The following HGSNAT variants were observed in gnomAD, a reference collection of about 807,000 sequenced individuals.
The protein encoded by HGSNAT is transmembrane protein 76.
A neutral mutation model predicts 85.2 loss-of-function variants in HGSNAT; 59 were observed. The observed-to-expected ratio is 0.69, with a 90% CI of 0.56 to 0.86. The LOEUF (loss-of-function observed/expected upper bound fraction) is 0.86. HGSNAT is among the 40% of genes least tolerant of loss of function. HGSNAT has a pLI of 0.00. For missense variants in HGSNAT, 756 were observed against 777.1 expected (o/e 0.97, Z 0.32); for synonymous variants, 321 against 304.5 (o/e 1.05, Z -0.56).
chr8:43,179,163 G>A (rs1322155094), intron 10 of HGSNAT, among the ~76,000 whole-genome samples: 53 of 147,258 alleles, frequency 3.6e-4, no homozygotes, highest in African/African-American at 1.4e-3. Context: ...GGGCAGAGGG[G>A]CTCCTCACTT....
chr8:43,179,239 G>C, intron 10 of HGSNAT, among the ~76,000 whole-genome samples: 1 of 151,626 alleles, frequency 6.6e-6, no homozygotes. Flanking sequence ...CCGGGCGGGG[G>C]CTGACCCCCC....
At chr8:43,164,393 T>C (rs1426857867) in intron 5 of HGSNAT, among the ~76,000 whole-genome samples, 1 of 151,970 alleles carries the variant, frequency 6.6e-6, no homozygotes, top group Admixed American at 6.6e-5. Context: ...TTTTGAGACG[T>C]GGTCTCATTC....
chr8:43,170,466 C>A, intron 6 of HGSNAT, 119 bp from the exon 7 acceptor site: 1 of 903,694 alleles, frequency 1.1e-6, no homozygotes, highest in African/African-American at 1.6e-5. Context: ...GGCCACAGAG[C>A]GAGACTCTGT....
intron 14 of HGSNAT, chr8:43,194,172 A>G (rs1804633780): frequency 3.2e-6 from 3 of 932,376 alleles, no homozygotes; most frequent in Non-Finnish European, 4.0e-6. Flanking sequence ...CCAAGGCAGG[A>G]GGATTGCTTG....
intron 9 of HGSNAT, among the ~76,000 whole-genome samples, chr8:43,175,302 C>T (rs1474872355): frequency 1.3e-5 from 2 of 152,154 alleles, no homozygotes; most frequent in African/African-American, 4.8e-5. Context: ...AACCTCTAAC[C>T]TATTGTCCAT....
At chr8:43,198,445 G>A (rs956849894) in intron 17 of HGSNAT, among the ~76,000 whole-genome samples, 2 of 151,708 alleles carry the variant, frequency 1.3e-5, no homozygotes, top group South Asian at 4.2e-4. Context: ...CCGCCACCAC[G>A]CCCAGCTAAT....
Position 43,147,232 on chromosome 8 carries a change from G to C in HGSNAT, c.234+169G>C, listed in dbSNP as rs555101932. On this transcript the variant is annotated intron_variant, in intron 2 of 17. Transcript: ENST00000379644. ...AATACAGTCAGGGGAGGATGCCTAGGAATGCACAGCATCTATTTTTATCTT... is the reference window on the plus strand; with the variant it reads ...AATACAGTCAGGGGAGGATGCCTAGCAATGCACAGCATCTATTTTTATCTT... Among the ~76,000 whole-genome samples, 6 of 152,292 alleles carry C rather than the reference G, an allele frequency of 3.9e-5. No individual in the cohort carries two copies. The South Asian group carries it at 1.2e-3, about 32-fold the overall frequency.
chr8:43,152,720 G>A (rs895497389), intron 2 of HGSNAT, among the ~76,000 whole-genome samples: 10 of 152,106 alleles, frequency 6.6e-5, no homozygotes, highest in African/African-American at 2.4e-4. Flanking sequence ...GCCTCCCAAA[G>A]TGCTAGAATT....
chr8:43,197,045 C>A lies in HGSNAT; in HGVS notation c.1542+20C>A. On this transcript the variant is annotated intron_variant, in intron 15 of 17. Coordinates refer to ENST00000379644, the MANE Select transcript of HGSNAT (RefSeq NM_152419.3). ...ATTCTTGTAAGTAAGCAGCATTCCT[C>A]GCTAAAATTCCTTTCCTTCACATGT... The A allele has an allele frequency of 1.3e-6, 2 of 1,531,004 alleles. No homozygotes were observed. Among genetic ancestry groups the A allele is most frequent in the Non-Finnish European group, 1.8e-6 (2 of 1,106,028 alleles). The allele number at this position is 1,531,004 out of a possible 1,614,324, so 94.8% of individuals were successfully genotyped here.
At chr8:43,184,128 T>G (rs1804227758) in intron 11 of HGSNAT, among the ~76,000 whole-genome samples, 1 of 152,244 alleles carries the variant, frequency 6.6e-6, no homozygotes, top group Non-Finnish European at 1.5e-5. Context: ...CAGCATGATT[T>G]ATAATCCTTT....
Position 43,172,326 on chromosome 8 carries a change from A to G in HGSNAT, c.760A>G (p.Met254Val), listed in dbSNP as rs766657364. Residue 254 changes from methionine to valine, a missense_variant, in exon 8 of 18, where the codon ATG becomes GTG. Coordinates refer to ENST00000379644, the MANE Select transcript of HGSNAT (RefSeq NM_152419.3). ...TTCTTCTAGGATTGCTCTTATACTC[A>G]TGGTCTTTGTCAATTATGGAGGAGG... is the stretch of plus-strand genomic sequence containing the variant. ...DTFRGIALIL[M>V]VFVNYGGGKY... The G allele has an allele frequency of 1.9e-6, 3 of 1,611,682 alleles. No homozygotes were observed. Among genetic ancestry groups the G allele is most frequent in the South Asian group, 2.2e-5 (2 of 91,040 alleles).
chr8:43,148,190 C>T (rs925956300), intron 2 of HGSNAT, among the ~76,000 whole-genome samples: 5 of 151,638 alleles, frequency 3.3e-5, no homozygotes, highest in Non-Finnish European at 5.9e-5. Flanking sequence ...TGCAGTGAGC[C>T]GAGATCGCGC....
chr8:43,158,997 T>C lies in HGSNAT; in HGVS notation c.446T>C (p.Ile149Thr), dbSNP rs1249804633. 1.2e-6 allele frequency: 2 copies of C among 1,613,786 alleles called. No homozygotes were observed. Among genetic ancestry groups the C allele is most frequent in the African/African-American group, 2.7e-5 (2 of 75,030 alleles). The change falls in exon 4 of 18, where the codon ATT becomes ACT. Residue 149 changes from isoleucine (I) to threonine (T), a missense_variant. By Grantham distance (89) the Ile-to-Thr change is moderately conservative (BLOSUM62 -1). Coordinates refer to ENST00000379644, the MANE Select transcript of HGSNAT (RefSeq NM_152419.3). ...VKNIHNGVSE[I>T]ACDLAVNEDP... is the part of the protein sequence containing the mutation. ...AACATCCATAATGGAGTTAGTGAAA[T>C]TGCCTGTGACCTGGCTGTGAACGAG...
intron 3 of HGSNAT, 89 bp downstream of exon 3, chr8:43,158,800 T>G: frequency 6.7e-7 from 1 of 1,503,420 alleles, no homozygotes; most frequent in Admixed American, 2.2e-5. Flanking sequence ...TTACAGTATT[T>G]TTCTTTATCT....
intron 11 of HGSNAT, among the ~76,000 whole-genome samples, chr8:43,189,133 C>T (rs144380085): frequency 0.03 from 4,637 of 152,280 alleles, 238 homozygotes; most frequent in African/African-American, 0.11. Context: ...AAACTCTGTG[C>T]TGGGAGAACC....
chr8:43,153,412 C>T (rs979968659), intron 2 of HGSNAT, among the ~76,000 whole-genome samples: 6 of 151,694 alleles, frequency 4.0e-5, no homozygotes, highest in African/African-American at 7.3e-5. Context: ...TACAGTATCT[C>T]GAACTGCTGA....
At chr8:43,169,789 C>A (rs1356864113) in intron 6 of HGSNAT, among the ~76,000 whole-genome samples, 1 of 152,152 alleles carries the variant, frequency 6.6e-6, no homozygotes, top group Admixed American at 6.5e-5. Context: ...TAGATGGGAT[C>A]TTTACAAAAG....
At chr8:43,151,143 C>T (rs1271842671) in intron 2 of HGSNAT, among the ~76,000 whole-genome samples, 3 of 152,104 alleles carry the variant, frequency 2.0e-5, no homozygotes, top group Admixed American at 6.6e-5. Context: ...AAAACAAAGT[C>T]GTAGTAGAGA....
In HGSNAT at chr8:43,140,494, G is replaced by C. The variant is rs1162962895; in HGVS notation, c.-3G>C. On this transcript the variant is annotated 5_prime_UTR_variant, in exon 1 of 18. Transcript: ENST00000379644. Reference sequence around the variant, plus strand: ...GGCAAGGGCGGCCGAGCGGGCGGCGGGCATGAGCGGGGCGGGCAGGGCGCT... The same window carrying C: ...GGCAAGGGCGGCCGAGCGGGCGGCGCGCATGAGCGGGGCGGGCAGGGCGCT... 16 of 1,021,572 alleles carry C rather than the reference G, an allele frequency of 1.6e-5. No individual in the cohort carries two copies. The highest frequency in any genetic ancestry group is 1.1e-5 in the Non-Finnish European group (9 of 854,886). The allele number at this position is 1,021,572 out of a possible 1,614,324, so 63.3% of individuals were successfully genotyped here.
Sources: gnomAD v4.1 joint callset for allele counts (sites outside exome capture counted in the v4.1 genomes callset) on GRCh38, gnomAD v4.1.1 for gene constraint, MANE v1.5 for transcripts, NCBI Gene and HGNC (gene_info 2026-07-23, HGNC 2026-07-21) for gene names.